Variants in RASD2 observed in about 807,000 individuals in gnomAD.
RASD2 encodes the protein RASD family member 2, also known as GTP-binding protein Rhes.
Under a neutral mutation model 15.8 loss-of-function variants are expected in RASD2, and 7 were observed. That is an observed-to-expected ratio of 0.44 (90% CI 0.25 to 0.83). The LOEUF (loss-of-function observed/expected upper bound fraction) is 0.83, where lower values mean the gene tolerates loss of function less well. Ranked by LOEUF, RASD2 falls within the 40% of genes least tolerant of loss-of-function variation. RASD2 has a pLI of 0.20. For synonymous variants in RASD2, 155 were observed against 153.6 expected (o/e 1.01, Z -0.07); for missense variants, 274 against 382.8 (o/e 0.72, Z 2.37).
chr22:35,540,768 C>A (rs1259675790), upstream of RASD2: 1 of 152,532 alleles, frequency 6.6e-6, no homozygotes, highest in Non-Finnish European at 1.5e-5. Context: ...CGGGTTGATG[C>A]TAACTTGGAG....
chr22:35,546,677 C>T, intron 1 of RASD2, 124 bp from the exon 2 acceptor site: 3 of 1,323,744 alleles, frequency 2.3e-6, no homozygotes, highest in Non-Finnish European at 3.0e-6. Flanking sequence ...CCCTTAGAAC[C>T]TCGTCTGATG....
chr22:35,537,929 T>C (rs960894231), upstream of RASD2, among the ~76,000 whole-genome samples: 1 of 148,626 alleles, frequency 6.7e-6, no homozygotes, highest in African/African-American at 2.5e-5. Context: ...ATAAGGAATT[T>C]AGATTTTTAG....
intron 1 of RASD2, among the ~76,000 whole-genome samples, chr22:35,543,570 C>G (rs1934409006): frequency 6.6e-6 from 1 of 152,234 alleles, no homozygotes; most frequent in East Asian, 1.9e-4. Flanking sequence ...ATGGTGCCAC[C>G]TCTGGGGGAA....
At chr22:35,545,766 C>T (rs1037455351) in intron 1 of RASD2, among the ~76,000 whole-genome samples, 3 of 151,874 alleles carry the variant, frequency 2.0e-5, no homozygotes, top group Non-Finnish European at 4.4e-5. Context: ...AGGCTGATCT[C>T]AGCAGAGCTC....
intron 1 of RASD2, among the ~76,000 whole-genome samples, chr22:35,542,754 C>T (rs1453205621): frequency 6.6e-6 from 1 of 152,206 alleles, no homozygotes; most frequent in East Asian, 1.9e-4. Flanking sequence ...CTGCCTGTGC[C>T]CGTGTGACCC....
the RASD2 span, among the ~76,000 whole-genome samples, chr22:35,534,918 G>A: frequency 6.6e-6 from 1 of 152,160 alleles, no homozygotes; most frequent in Non-Finnish European, 1.5e-5. Flanking sequence ...ACTCGGATGG[G>A]TCTCAGAGAG....
upstream of RASD2, among the ~76,000 whole-genome samples, chr22:35,538,106 T>C (rs535761470): frequency 1.5e-3 from 225 of 151,978 alleles, no homozygotes; most frequent in Admixed American, 3.9e-3. Flanking sequence ...CCACCACGCC[T>C]GGGTAGTTTT....
Position 35,553,024 on chromosome 22 carries a change from GA to G in RASD2, c.*993del, listed in dbSNP as rs1228588470. 2.0e-5 allele frequency: 3 copies of G among 151,650 alleles called. No homozygotes were observed. Among genetic ancestry groups the G allele is most frequent in the African/African-American group, 7.3e-5 (3 of 41,210 alleles). 9.4% of individuals were successfully genotyped at this position (151,650 alleles called of 1,614,324 possible). ...GAGGATACCACCGAGACTCGGAGGG[GA>G]CACGATGAGCACCAGGCCCCACCTT... is the stretch of plus-strand genomic sequence containing the variant. On this transcript the variant is annotated 3_prime_UTR_variant, in exon 3 of 3. Coordinates refer to ENST00000216127, the MANE Select transcript of RASD2 (RefSeq NM_014310.4).
At chr22:35,541,656 A>G (rs1295540100) in intron 1 of RASD2, among the ~76,000 whole-genome samples, 156 bp downstream of exon 1, 1 of 152,214 alleles carries the variant, frequency 6.6e-6, no homozygotes, top group African/African-American at 2.4e-5. Context: ...TCGTCTGGCA[A>G]CTTTGCATAC....
chr22:35,547,305 C>G (rs1005326191), intron 2 of RASD2, among the ~76,000 whole-genome samples: 3 of 152,262 alleles, frequency 2.0e-5, no homozygotes, highest in Non-Finnish European at 2.9e-5. Flanking sequence ...TCATGGCTGT[C>G]GGGGCCGCCT....
chr22:35,537,182 G>T (rs1382177525), upstream of RASD2, among the ~76,000 whole-genome samples: 1 of 152,154 alleles, frequency 6.6e-6, no homozygotes, highest in Admixed American at 6.5e-5. Context: ...TTCCCCTTCT[G>T]TAAGTGGGGC....
At chr22:35,543,632 C>A (rs1434258118) in intron 1 of RASD2, among the ~76,000 whole-genome samples, 1 of 152,214 alleles carries the variant, frequency 6.6e-6, no homozygotes, top group African/African-American at 2.4e-5. Flanking sequence ...GAGGCACTGT[C>A]CCCTGGCGTC....
In RASD2 at chr22:35,546,937, G is replaced by C. The variant is rs148174794; in HGVS notation, c.128G>C (p.Arg43Pro). The change falls in exon 2 of 3, where the codon CGC becomes CCC. Residue 43 changes from arginine to proline, a missense_variant. Transcript: ENST00000216127. ...SSIVSRFLNG[R>P]FEDQYTPTIE... is the part of the protein sequence containing the mutation. ...ATCGTGTCTCGCTTCCTCAATGGCC[G>C]CTTTGAGGACCAGTACACACCCACC... is the stretch of plus-strand genomic sequence containing the variant. 3 of 1,613,764 alleles carry C rather than the reference G, an allele frequency of 1.9e-6. No individual in the cohort carries two copies. The highest frequency in any genetic ancestry group is 8.5e-7 in the Non-Finnish European group (1 of 1,179,928).
chr22:35,539,331 A>T (rs1934290640), upstream of RASD2, among the ~76,000 whole-genome samples: 3 of 151,938 alleles, frequency 2.0e-5, no homozygotes, highest in African/African-American at 7.3e-5. Flanking sequence ...AATGGAGCTG[A>T]CCCCTCAGGT....
Position 35,552,053 on chromosome 22 carries a change from G to C in RASD2, c.*21G>C, listed in dbSNP as rs371688852. ...AGTGAGCGAGGGATGCTGGGGCGGGGCTTGGCCAGTGCCTTCAGGGAGGTG... is the reference window on the plus strand; with the variant it reads ...AGTGAGCGAGGGATGCTGGGGCGGGCCTTGGCCAGTGCCTTCAGGGAGGTG... On this transcript the variant is annotated 3_prime_UTR_variant, in exon 3 of 3. Coordinates refer to ENST00000216127, the MANE Select transcript of RASD2 (RefSeq NM_014310.4). The C allele has an allele frequency of 1.8e-4, 284 of 1,583,604 alleles. No individual in the cohort carries two copies. In the East Asian group the frequency reaches 3.4e-3, roughly 19 times the overall value.
chr22:35,543,789 T>G (rs1934415931), intron 1 of RASD2, among the ~76,000 whole-genome samples: 1 of 151,812 alleles, frequency 6.6e-6, no homozygotes, highest in Non-Finnish European at 1.5e-5. Flanking sequence ...CCTTGCCTCC[T>G]CTATCTGTCA....
rs1443078273 is a variant in RASD2, at chr22:35,551,828, C to T, written c.597C>T (p.Ala199=). The part of the protein sequence containing the change: ...MAKLPHEMSP[A]LHRKISVQYG... ...AGCTGCCACACGAGATGAGCCCCGC[C>T]CTGCATCGCAAGATCTCCGTGCAGT... The change falls in exon 3 of 3, where the codon GCC becomes GCT. Residue 199 remains alanine, a synonymous_variant. Transcript: ENST00000216127. The surrounding 1 kb of genome is among the most constrained non-coding windows in gnomAD (Gnocchi z 4.9). 6.2e-7 allele frequency: 1 copy of T among 1,614,142 alleles called. No homozygotes were observed. The highest frequency in any genetic ancestry group is 8.5e-7 in the Non-Finnish European group (1 of 1,180,024).
At chr22:35,547,264 A>G (rs1319373350) in intron 2 of RASD2, among the ~76,000 whole-genome samples, 184 bp downstream of exon 2, 1 of 152,234 alleles carries the variant, frequency 6.6e-6, no homozygotes, top group Non-Finnish European at 1.5e-5. Context: ...GGGGGCCCCG[A>G]TTCCATTCTG....
the RASD2 span, among the ~76,000 whole-genome samples, chr22:35,534,483 G>A: frequency 6.6e-6 from 1 of 152,168 alleles, no homozygotes; most frequent in Admixed American, 6.5e-5. Flanking sequence ...GTAATTACAG[G>A]GATCCACCCA....
Sources: allele counts gnomAD v4.1 joint callset (sites outside exome capture counted in the v4.1 genomes callset), GRCh38; gene constraint gnomAD v4.1.1; non-coding constraint Gnocchi (gnomAD v3.1); transcripts MANE v1.5; gene names NCBI Gene and HGNC (gene_info 2026-07-23, HGNC 2026-07-21).